Variants in NKAIN2 observed in about 807,000 individuals in gnomAD.
NKAIN2 encodes the protein sodium/potassium-transporting ATPase subunit beta-1-interacting protein 2.
NKAIN2 carries 14 observed loss-of-function variants against 32.6 expected under a neutral mutation model. The observed-to-expected ratio is 0.43, with a 90% CI of 0.28 to 0.67. NKAIN2 has a LOEUF of 0.67. Ranked by LOEUF, NKAIN2 falls within the 30% of genes least tolerant of loss-of-function variation. The pLI is 0.17. For missense variants in NKAIN2, 198 were observed against 258.3 expected (o/e 0.77, Z 1.60); for synonymous variants, 80 against 87.2 (o/e 0.92, Z 0.46).
At chr6:124,774,607 T>A (rs892248918) in intron 4 of NKAIN2, among the ~76,000 whole-genome samples, 1 of 151,970 alleles carries the variant, frequency 6.6e-6, no homozygotes, top group Non-Finnish European at 1.5e-5. Flanking sequence ...TGTAATTCGA[T>A]CACTTTGGGA....
At chr6:123,973,381 A>G (rs1030145924) in intron 1 of NKAIN2, among the ~76,000 whole-genome samples, 1 of 152,120 alleles carries the variant, frequency 6.6e-6, no homozygotes, top group Non-Finnish European at 1.5e-5. Context: ...GAAATGGGGA[A>G]AGATAACAGG....
chr6:124,341,036 A>G (rs567612859), intron 2 of NKAIN2, among the ~76,000 whole-genome samples: 3 of 152,308 alleles, frequency 2.0e-5, no homozygotes, highest in African/African-American at 4.8e-5. Flanking sequence ...TCATGTTTAT[A>G]TGTTCATTAA....
intron 1 of NKAIN2, among the ~76,000 whole-genome samples, chr6:124,163,773 G>A (rs1327899612): frequency 1.3e-5 from 2 of 152,010 alleles, no homozygotes; most frequent in African/African-American, 4.8e-5. Context: ...GAAACTGTGA[G>A]GGAAGATTAA....
intron 3 of NKAIN2, among the ~76,000 whole-genome samples, chr6:124,647,517 A>AG (rs1784221937): frequency 6.6e-6 from 1 of 151,024 alleles, no homozygotes; most frequent in Non-Finnish European, 1.5e-5. Context: ...AAAAAAAAAA[A>AG]AAAGACTTCA....
chr6:124,041,163 A>C (rs1168953580), intron 1 of NKAIN2, among the ~76,000 whole-genome samples: 2 of 152,052 alleles, frequency 1.3e-5, no homozygotes, highest in African/African-American at 4.8e-5. Flanking sequence ...CTTTATGGTT[A>C]TTGCAATATC....
chr6:124,405,216 G>A (rs575755671), intron 3 of NKAIN2, among the ~76,000 whole-genome samples: 5 of 152,248 alleles, frequency 3.3e-5, no homozygotes, highest in East Asian at 1.9e-4. Flanking sequence ...TTGCAAATAT[G>A]TTTTGTAAGC....
intron 1 of NKAIN2, among the ~76,000 whole-genome samples, chr6:124,145,601 G>T (rs1215293213): frequency 1.3e-5 from 2 of 152,064 alleles, no homozygotes; most frequent in South Asian, 2.1e-4. Context: ...CACCTCCCGG[G>T]TTCACGCCAT....
At chr6:124,568,110 C>T (rs1780990141) in intron 3 of NKAIN2, among the ~76,000 whole-genome samples, 1 of 152,156 alleles carries the variant, frequency 6.6e-6, no homozygotes, top group Non-Finnish European at 1.5e-5. Flanking sequence ...ACACTTCAGC[C>T]CACCTTTTGT....
At chr6:123,913,389 A>G (rs1775322505) in intron 1 of NKAIN2, among the ~76,000 whole-genome samples, 1 of 152,186 alleles carries the variant, frequency 6.6e-6, no homozygotes, top group Non-Finnish European at 1.5e-5. Flanking sequence ...AGCTCTAATA[A>G]GAATGTCACA....
chr6:124,153,520 T>G (rs1023118164), intron 1 of NKAIN2, among the ~76,000 whole-genome samples: 1 of 151,870 alleles, frequency 6.6e-6, no homozygotes, highest in Non-Finnish European at 1.5e-5. Flanking sequence ...TTCTACTTAT[T>G]AAATCTTCTT....
At chr6:124,788,334 G>A (rs1779595068) in intron 4 of NKAIN2, among the ~76,000 whole-genome samples, 1 of 152,054 alleles carries the variant, frequency 6.6e-6, no homozygotes, top group Non-Finnish European at 1.5e-5. Context: ...AATGTCAGTG[G>A]TGACTAGAAA....
chr6:124,323,777 A>ATTTTTTTTTT (rs1491556824), intron 2 of NKAIN2, among the ~76,000 whole-genome samples: 2 of 115,490 alleles, frequency 1.7e-5, no homozygotes, highest in African/African-American at 7.9e-5. Context: ...AATTCTTTTA[A>ATTTTTTTTTT]TTTTTTCTTT....
Position 124,060,043 on chromosome 6 carries a change from C to T in NKAIN2, c.55-222962C>T, listed in dbSNP as rs567469294. 4.6e-5 allele frequency among the ~76,000 whole-genome samples: 7 copies of T among 152,246 alleles called. No homozygotes were observed. In the South Asian group the frequency reaches 1.5e-3, roughly 32 times the overall value. ...AGTATGAACTACTTGTGGGCAGAGG[C>T]CATATCTTTTAAACTGTATTTCTTT... On this transcript the variant is annotated intron_variant, in intron 1 of 6. Coordinates refer to ENST00000368417, the MANE Select transcript of NKAIN2 (RefSeq NM_001040214.3).
chr6:124,564,627 C>T (rs670616), intron 3 of NKAIN2, among the ~76,000 whole-genome samples: 84,369 of 152,070 alleles, frequency 0.55, 27,687 homozygotes, highest in Admixed American at 0.72. Flanking sequence ...TAACACTCAC[C>T]GCGAAGGTCT....
At chr6:124,315,174 T>A (rs932049569) in intron 2 of NKAIN2, among the ~76,000 whole-genome samples, 1 of 152,202 alleles carries the variant, frequency 6.6e-6, no homozygotes, top group Middle Eastern at 3.4e-3. Context: ...AGTAGGTACA[T>A]CCACATTTGT....
intron 1 of NKAIN2, among the ~76,000 whole-genome samples, chr6:123,934,910 A>G (rs567478288): frequency 9.2e-5 from 14 of 151,618 alleles, no homozygotes; most frequent in African/African-American, 3.1e-4. Context: ...TTTCCAAATG[A>G]GTAGTTTGAG....
chr6:124,262,048 G>A (rs1485906835), intron 1 of NKAIN2, among the ~76,000 whole-genome samples: 3 of 151,980 alleles, frequency 2.0e-5, no homozygotes, highest in Non-Finnish European at 4.4e-5. Context: ...CTCTTTGAGG[G>A]CAGAGCCAGG....
At chr6:124,579,453 T>C (rs1781447125) in intron 3 of NKAIN2, among the ~76,000 whole-genome samples, 1 of 152,326 alleles carries the variant, frequency 6.6e-6, no homozygotes, top group African/African-American at 2.4e-5. Context: ...GAAAAATGCA[T>C]ACTGAAGAAT....
At chr6:124,805,240 C>A (rs1398538262) in intron 5 of NKAIN2, among the ~76,000 whole-genome samples, 1 of 152,184 alleles carries the variant, frequency 6.6e-6, no homozygotes, top group Non-Finnish European at 1.5e-5. Context: ...GGAGGCACCC[C>A]CCAGTAGGGG....
Sources: gnomAD v4.1 joint callset for allele counts (sites outside exome capture counted in the v4.1 genomes callset) on GRCh38, gnomAD v4.1.1 for gene constraint, MANE v1.5 for transcripts, NCBI Gene and HGNC (gene_info 2026-07-23, HGNC 2026-07-21) for gene names.